The following PLCG2 variants were observed in gnomAD, a reference collection of about 807,000 sequenced individuals.
The protein encoded by PLCG2 is 1-phosphatidylinositol 4,5-bisphosphate phosphodiesterase gamma-2.
A neutral mutation model predicts 175.6 loss-of-function variants in PLCG2; 69 were observed. The observed-to-expected ratio is 0.39, with a 90% confidence interval of 0.32 to 0.48. PLCG2 has a LOEUF of 0.48. Ranked by LOEUF, PLCG2 falls within the 20% of genes least tolerant of loss-of-function variation. PLCG2 has a pLI of 0.91. For synonymous variants in PLCG2, 827 were observed against 624.0 expected (o/e 1.33, Z -4.85); for missense variants, 1,798 against 1,650.9 (o/e 1.09, Z -1.54).
chr16:81,813,372 G>A (rs1210417440), intron 2 of PLCG2, among the ~76,000 whole-genome samples: 1 of 152,078 alleles, frequency 6.6e-6, no homozygotes, highest in African/African-American at 2.4e-5. Flanking sequence ...AGTTCTCTTT[G>A]AAGAGGTCCT....
At chr16:81,957,611 G>A (rs1287415330) in intron 32 of PLCG2, among the ~76,000 whole-genome samples, 1 of 152,080 alleles carries the variant, frequency 6.6e-6, no homozygotes, top group Non-Finnish European at 1.5e-5. Flanking sequence ...GTTGCCAAGT[G>A]TTTCATAATA....
chr16:81,808,144 G>C (rs1904290284), intron 2 of PLCG2, among the ~76,000 whole-genome samples: 1 of 151,248 alleles, frequency 6.6e-6, no homozygotes, highest in Admixed American at 6.6e-5. Context: ...CCTTTCTCTT[G>C]GGTGTACACC....
At chr16:81,886,492 C>G (rs1244355521) in intron 9 of PLCG2, among the ~76,000 whole-genome samples, 1 of 152,146 alleles carries the variant, frequency 6.6e-6, no homozygotes, top group African/African-American at 2.4e-5. Context: ...TAAATAGTTG[C>G]CCTCCCAGAC....
chr16:81,834,309 C>T (rs1432033254), intron 2 of PLCG2, among the ~76,000 whole-genome samples: 1 of 152,054 alleles, frequency 6.6e-6, no homozygotes, highest in Non-Finnish European at 1.5e-5. Context: ...TGAACTTGAC[C>T]TCGGAGGGCT....
chr16:81,831,096 G>T (rs1307060320), intron 2 of PLCG2, among the ~76,000 whole-genome samples: 2 of 152,166 alleles, frequency 1.3e-5, no homozygotes, highest in East Asian at 1.9e-4. Flanking sequence ...AGGCCTCCCT[G>T]ATAACACCTT....
At chr16:81,781,625 T>G (rs1910736130) in intron 1 of PLCG2, among the ~76,000 whole-genome samples, 1 of 152,182 alleles carries the variant, frequency 6.6e-6, no homozygotes. Context: ...CACCATTCCT[T>G]TGAAAATAGT....
At chr16:81,951,667 T>A (rs1427039374) in intron 31 of PLCG2, among the ~76,000 whole-genome samples, 1 of 152,204 alleles carries the variant, frequency 6.6e-6, no homozygotes, top group African/African-American at 2.4e-5. Context: ...TGTGTGAATA[T>A]AGATGTTAAA....
rs9924401 is a variant in PLCG2 at position 81,889,107 on chromosome 16, C to T, written c.766-65C>T. On this transcript the variant is annotated intron_variant, in intron 9 of 32. Coordinates refer to ENST00000564138, the MANE Select transcript of PLCG2 (RefSeq NM_002661.5). ...GTCTTCGATTGCGACTGGATGGACC[C>T]TGGGAAATGAAGAATTTTATCAGTT... 7.5e-3 allele frequency: 7,416 copies of T among 989,064 alleles called. 346 individuals carry two copies. The African/African-American group carries it at 0.1, about 14-fold the overall frequency. 61.3% of individuals were successfully genotyped at this position (989,064 alleles called of 1,614,324 possible).
intron 2 of PLCG2, among the ~76,000 whole-genome samples, chr16:81,843,957 T>C (rs774847042): frequency 3.3e-5 from 5 of 152,032 alleles, no homozygotes; most frequent in Non-Finnish European, 5.9e-5. Context: ...CTTTTCGTTT[T>C]TCTTTTGTTT....
At chr16:81,846,295 C>T (rs183387748) in intron 2 of PLCG2, among the ~76,000 whole-genome samples, 2 of 152,276 alleles carry the variant, frequency 1.3e-5, no homozygotes, top group East Asian at 1.9e-4. Context: ...ATGCTCCAGA[C>T]ATCCCCCCGC....
At chr16:81,940,650 G>C (rs1226048757) in intron 30 of PLCG2, among the ~76,000 whole-genome samples, 1 of 152,238 alleles carries the variant, frequency 6.6e-6, no homozygotes, top group Admixed American at 6.5e-5. Context: ...AGCCAAGCTG[G>C]GTCATACGAC....
At chr16:81,916,927 C>G (rs1167452167) in intron 19 of PLCG2, among the ~76,000 whole-genome samples, 1 of 152,146 alleles carries the variant, frequency 6.6e-6, no homozygotes, top group Non-Finnish European at 1.5e-5. Context: ...TGTGAGCCAC[C>G]ACGCCCGGCC....
chr16:81,900,816 G>A (rs1472139274), intron 14 of PLCG2, 36 bp downstream of exon 14: 6 of 1,573,814 alleles, frequency 3.8e-6, no homozygotes, highest in African/African-American at 1.3e-5. Context: ...GCTGTCCAGG[G>A]AGCCCAGTGG....
Position 81,936,395 on chromosome 16 carries a change from G to A in PLCG2, c.3052+17G>A. On this transcript the variant is annotated intron_variant, in intron 27 of 32. Coordinates refer to ENST00000564138, the MANE Select transcript of PLCG2 (RefSeq NM_002661.5). Reference sequence around the variant, plus strand: ...AGACGGCAGGTAAAGGCCGACTGAAGGTAGTCCCGTCCCTGCAAGGTGGCG... The same window carrying A: ...AGACGGCAGGTAAAGGCCGACTGAAAGTAGTCCCGTCCCTGCAAGGTGGCG... 1 of 1,607,188 alleles carries A rather than the reference G, an allele frequency of 6.2e-7. No homozygotes were observed. Among genetic ancestry groups the A allele is most frequent in the Non-Finnish European group, 8.5e-7 (1 of 1,174,966 alleles).
chr16:81,861,713 A>G (rs1331074808), intron 5 of PLCG2, among the ~76,000 whole-genome samples: 9 of 152,084 alleles, frequency 5.9e-5, no homozygotes, highest in Admixed American at 3.3e-4. Context: ...CATAGCTGAG[A>G]TTGGCACAGG....
intron 1 of PLCG2, among the ~76,000 whole-genome samples, chr16:81,784,569 A>G (rs1056121922): frequency 1.3e-5 from 2 of 152,246 alleles, no homozygotes; most frequent in African/African-American, 4.8e-5. Flanking sequence ...CTACAGAGTA[A>G]CAACTCCAGG....
chr16:81,927,746 C>G (rs1910335476), intron 23 of PLCG2, among the ~76,000 whole-genome samples: 2 of 152,170 alleles, frequency 1.3e-5, no homozygotes, highest in Non-Finnish European at 2.9e-5. Context: ...GTAGGGCAAT[C>G]TGGGAAGGCT....
At chr16:81,777,825 G>A (rs1274887458), upstream of PLCG2, among the ~76,000 whole-genome samples, 3 of 151,756 alleles carry the variant, frequency 2.0e-5, no homozygotes, top group African/African-American at 7.3e-5. Context: ...AGACCAATCT[G>A]GCCAACATAG....
At chr16:81,862,785 C>T (rs1021444805) in intron 5 of PLCG2, among the ~76,000 whole-genome samples, 2 of 152,026 alleles carry the variant, frequency 1.3e-5, no homozygotes, top group Non-Finnish European at 1.5e-5. Context: ...GTGGGAGGAT[C>T]ATCTGAGCCC....
Sources: allele counts gnomAD v4.1 joint callset (sites outside exome capture counted in the v4.1 genomes callset), GRCh38; gene constraint gnomAD v4.1.1; transcripts MANE v1.5; gene names NCBI Gene and HGNC (gene_info 2026-07-23, HGNC 2026-07-21).